Variants in CDK14 observed in about 807,000 individuals in gnomAD.
CDK14 encodes cyclin-dependent kinase 14.
A neutral mutation model predicts 60.7 loss-of-function variants in CDK14; 34 were observed. The observed-to-expected ratio is 0.56, with a 90% CI of 0.43 to 0.75. CDK14 has a LOEUF of 0.75. Ranked by LOEUF, CDK14 falls within the 30% of genes least tolerant of loss-of-function variation. The probability of loss-of-function intolerance (pLI) is 0.00; values close to 1 mark genes in which losing one functional copy is unlikely to be tolerated. For missense variants in CDK14, 482 were observed against 564.1 expected (o/e 0.85, Z 1.47); for synonymous variants, 197 against 203.7 (o/e 0.97, Z 0.28).
intron 12 of CDK14, among the ~76,000 whole-genome samples, chr7:91,108,745 A>G (rs971538465): frequency 6.6e-6 from 1 of 152,186 alleles, no homozygotes; most frequent in African/African-American, 2.4e-5. Context: ...ATTTCGTGCT[A>G]TTATGAAAAC....
At chr7:90,763,986 A>G (rs1251661894) in intron 4 of CDK14, among the ~76,000 whole-genome samples, 2 of 152,278 alleles carry the variant, frequency 1.3e-5, no homozygotes, top group Non-Finnish European at 2.9e-5. Context: ...ATCATATTAT[A>G]TAATTTTTAT....
chr7:90,952,452 A>G (rs1794291299), intron 8 of CDK14, among the ~76,000 whole-genome samples: 1 of 152,170 alleles, frequency 6.6e-6, no homozygotes, highest in Non-Finnish European at 1.5e-5. Flanking sequence ...TCAACTTTGA[A>G]TCATTGGCAG....
In CDK14 at chr7:90,710,213, C is replaced by T. The variant is rs1354895099; in HGVS notation, c.124-16354C>T. The T allele has an allele frequency of 3.0e-6, 3 of 985,072 alleles. No individual in the cohort carries two copies. In the African/African-American group the frequency reaches 5.2e-5, roughly 17 times the overall value. The allele number at this position is 985,072 out of a possible 1,614,324, so 61.0% of individuals were successfully genotyped here. ...GCTACTGCTTGTAGTTTGTAAACACCAGTAGCAGTGATAAGATGGGGAAAA... is the reference window on the plus strand; with the variant it reads ...GCTACTGCTTGTAGTTTGTAAACACTAGTAGCAGTGATAAGATGGGGAAAA... On this transcript the variant is annotated intron_variant, in intron 2 of 14. Transcript: ENST00000380050.
intron 5 of CDK14, among the ~76,000 whole-genome samples, chr7:90,819,092 T>C (rs991030298): frequency 6.6e-6 from 1 of 152,122 alleles, no homozygotes; most frequent in Non-Finnish European, 1.5e-5. Flanking sequence ...TACAGTGATA[T>C]ATTGTTTTGG....
chr7:90,895,899 G>T (rs1330066853), intron 6 of CDK14, among the ~76,000 whole-genome samples: 4 of 151,340 alleles, frequency 2.6e-5, no homozygotes, highest in Non-Finnish European at 5.9e-5. Flanking sequence ...TCTTAATGTT[G>T]ATTATGTCTT....
intron 10 of CDK14, among the ~76,000 whole-genome samples, chr7:90,985,051 A>G (rs569930730): frequency 3.7e-4 from 56 of 152,336 alleles, no homozygotes; most frequent in African/African-American, 1.3e-3. Context: ...TGAATTTCTT[A>G]GCTGTGTCAG....
At chr7:90,862,420 C>T (rs1791038678) in intron 5 of CDK14, among the ~76,000 whole-genome samples, 1 of 152,072 alleles carries the variant, frequency 6.6e-6, no homozygotes, top group Non-Finnish European at 1.5e-5. Flanking sequence ...GTAAAGAGGA[C>T]ATTACTTATT....
At chr7:90,715,911 C>T (rs1477949700) in intron 2 of CDK14, among the ~76,000 whole-genome samples, 3 of 151,556 alleles carry the variant, frequency 2.0e-5, no homozygotes, top group Non-Finnish European at 2.9e-5. Flanking sequence ...ATTTCTGAGC[C>T]CTTTGGCTAT....
At chr7:91,061,846 C>T (rs1797803807) in intron 11 of CDK14, among the ~76,000 whole-genome samples, 1 of 152,220 alleles carries the variant, frequency 6.6e-6, no homozygotes, top group East Asian at 1.9e-4. Flanking sequence ...ACTTGGGGGT[C>T]AGGGACCCAC....
intron 14 of CDK14, among the ~76,000 whole-genome samples, chr7:91,201,977 G>A (rs1802743080): frequency 6.6e-6 from 1 of 152,138 alleles, no homozygotes; most frequent in African/African-American, 2.4e-5. Flanking sequence ...TTAGTCTCTT[G>A]AGCCTAGTTG....
At chr7:90,822,625 T>A (rs1433480554) in intron 5 of CDK14, among the ~76,000 whole-genome samples, 1 of 152,184 alleles carries the variant, frequency 6.6e-6, no homozygotes, top group African/African-American at 2.4e-5. Context: ...ATTAGCACCA[T>A]GCTCTGACTC....
intron 2 of CDK14, chr7:90,608,572 T>C: frequency 3.0e-6 from 3 of 984,360 alleles, no homozygotes; most frequent in Non-Finnish European, 3.6e-6. Flanking sequence ...TGCCTGGCTC[T>C]TTGGTGAGAA....
intron 2 of CDK14, among the ~76,000 whole-genome samples, chr7:90,717,879 T>C (rs1802307947): frequency 6.6e-6 from 1 of 151,998 alleles, no homozygotes; most frequent in East Asian, 1.9e-4. Flanking sequence ...GTGTTTACAC[T>C]CTGGTCATGG....
intron 5 of CDK14, among the ~76,000 whole-genome samples, chr7:90,833,281 A>G (rs905294492): frequency 5.3e-4 from 80 of 152,332 alleles, no homozygotes; most frequent in African/African-American, 1.7e-3. Flanking sequence ...AACACCATGT[A>G]AAGGCTCTAT....
At chr7:90,963,099 G>GTGTGTT (rs1313571469) in intron 9 of CDK14, among the ~76,000 whole-genome samples, 2 of 150,954 alleles carry the variant, frequency 1.3e-5, no homozygotes, top group Non-Finnish European at 1.5e-5. Context: ...GTGTGTGTGT[G>GTGTGTT]TGTGTGTGTG....
chr7:90,763,553 T>C (rs1443012842), intron 4 of CDK14, among the ~76,000 whole-genome samples: 1 of 152,088 alleles, frequency 6.6e-6, no homozygotes, highest in African/African-American at 2.4e-5. Context: ...AGCTATCTGT[T>C]CTGAACATAT....
At chr7:90,754,910 T>C (rs56181822) in intron 4 of CDK14, among the ~76,000 whole-genome samples, 23,648 of 152,074 alleles carry the variant, frequency 0.16, 1,948 homozygotes, top group Middle Eastern at 0.25. Flanking sequence ...ATCAAAACCG[T>C]AATGAGATAC....
At position 90,666,952 on chromosome 7, in the gene CDK14, T is replaced by A. The variant is rs534181435; in HGVS notation, c.124-59615T>A. ...GAGAGAAGAGGACAATGAATCTGCA[T>A]ATGCCTATTACCCAGATTCAACCCT... On this transcript the variant is annotated intron_variant, in intron 2 of 14. Coordinates refer to ENST00000380050, the MANE Select transcript of CDK14 (RefSeq NM_001287135.2). 9.2e-4 allele frequency among the ~76,000 whole-genome samples: 140 copies of A among 152,374 alleles called. 1 individual carries two copies. The highest frequency in any genetic ancestry group is 2.8e-3 in the African/African-American group (117 of 41,598).
At chr7:91,126,430 AG>A (rs2116408125) in intron 14 of CDK14, among the ~76,000 whole-genome samples, 1 of 152,320 alleles carries the variant, frequency 6.6e-6, no homozygotes, top group Admixed American at 6.5e-5. Flanking sequence ...AGAAAAAAAG[AG>A]GTTCTTTCTT....
Sources: gnomAD v4.1 joint callset for allele counts (sites outside exome capture counted in the v4.1 genomes callset) on GRCh38, gnomAD v4.1.1 for gene constraint, MANE v1.5 for transcripts, NCBI Gene and HGNC (gene_info 2026-07-23, HGNC 2026-07-21) for gene names.